Variants in IDE observed in about 807,000 individuals in gnomAD.
The protein encoded by IDE is insulin-degrading enzyme.
In IDE, 58 loss-of-function variants were observed where a neutral mutation model predicts 133.2. The observed-to-expected ratio is 0.44, with a 90% CI of 0.35 to 0.54. IDE has a LOEUF of 0.54. IDE is among the 20% of genes least tolerant of loss of function. The pLI is 0.00. For synonymous variants in IDE, 396 were observed against 421.3 expected, an observed-to-expected ratio of 0.94 and a Z score of 0.73; for missense variants, 981 against 1,234.0, an observed-to-expected ratio of 0.79 and a Z score of 3.07.
rs769676580 is a variant in IDE at position 92,515,008 on chromosome 10, T to A, written c.696A>T (p.Gln232His). The change falls in exon 5 of 25, where the codon CAA becomes CAT. Residue 232 changes from glutamine (Q) to histidine (H), a missense_variant. By Grantham distance (24) the Gln-to-His change is conservative. Coordinates refer to ENST00000265986, the MANE Select transcript of IDE (RefSeq NM_004969.4). ...NKYTLETRPNQEGIDVRQELL... is the reference protein window; with the variant it reads ...NKYTLETRPNHEGIDVRQELL... ...GCTCTTGTCTTACATCAATGCCTTC[T>A]TGGTTTGGTCTAGTCTCCAGAGTAT... 2 of 1,611,830 alleles carry A rather than the reference T, an allele frequency of 1.2e-6. No homozygotes were observed. The highest frequency in any genetic ancestry group is 2.2e-5 in the South Asian group (2 of 90,910).
chr10:92,463,940 TG>T lies in IDE; in HGVS notation c.2551del (p.Gln851SerfsTer9), dbSNP rs761559283. On this transcript the variant is annotated frameshift_variant, in exon 21 of 25. Coordinates refer to ENST00000265986, the MANE Select transcript of IDE (RefSeq NM_004969.4). LOFTEE classifies it high-confidence loss of function. ...NGIQGLRFII[Q>X]SEKPPHYLES... Reference sequence around the variant, plus strand: ...TAGGTAGTGAGGTGGCTTTTCTGACTGGATGATGAATCTCAAGCCCTGTATG... The same window carrying T: ...TAGGTAGTGAGGTGGCTTTTCTGACTGATGATGAATCTCAAGCCCTGTATG... 2 of 1,614,202 alleles carry T rather than the reference TG, an allele frequency of 1.2e-6. No individual in the cohort carries two copies.
chr10:92,562,649 A>G (rs1379914290), intron 1 of IDE, among the ~76,000 whole-genome samples: 4 of 152,144 alleles, frequency 2.6e-5, no homozygotes, highest in African/African-American at 9.7e-5. Flanking sequence ...TTTACCCTGG[A>G]CCAAATGTTA....
intron 13 of IDE, among the ~76,000 whole-genome samples, chr10:92,486,953 C>A (rs939290447): frequency 1.3e-5 from 2 of 152,158 alleles, no homozygotes; most frequent in African/African-American, 4.8e-5. Flanking sequence ...CTCAGACTTA[C>A]TTTTTTCTCC....
chr10:92,521,861 T>C (rs1849242923), intron 4 of IDE, among the ~76,000 whole-genome samples: 1 of 152,270 alleles, frequency 6.6e-6, no homozygotes, highest in African/African-American at 2.4e-5. Context: ...GGTATTTTTA[T>C]GTTTTTAAAA....
intron 1 of IDE, among the ~76,000 whole-genome samples, chr10:92,571,632 C>T (rs776553645): frequency 6.6e-6 from 1 of 152,146 alleles, no homozygotes; most frequent in Non-Finnish European, 1.5e-5. Context: ...TACAGCTGAA[C>T]ACAGAACAAG....
chr10:92,470,230 A>T lies in IDE; in HGVS notation c.2208+24T>A, dbSNP rs201500223. On this transcript the variant is annotated intron_variant, in intron 18 of 24. Transcript: ENST00000265986. ...AATATCTTGCAATGATCCACAAAAG[A>T]TTGCTAAAACCTCAACCACCCACCT... 8.0e-6 allele frequency: 12 copies of T among 1,494,186 alleles called. No individual in the cohort carries two copies. In the Admixed American group the frequency reaches 2.3e-4, roughly 28 times the overall value. 92.6% of individuals were successfully genotyped at this position (1,494,186 alleles called of 1,614,324 possible). A position where few individuals can be genotyped will look rare whatever the true frequency, so the allele number is the denominator to read the frequency against.
At position 92,531,884 on chromosome 10, in the gene IDE, A is replaced by G. The variant is rs777743787; in HGVS notation, c.525T>C (p.Asp175=). 1 of 1,567,794 alleles carries G rather than the reference A, an allele frequency of 6.4e-7. No individual in the cohort carries two copies. Among genetic ancestry groups the G allele is most frequent in the Non-Finnish European group, 8.7e-7 (1 of 1,152,550 alleles). ...FAQFFLCPLF[D]ESCKDREVNA... ...TCACCTCTCTGTCTTTGCAACTTTC[A>G]TCGAACAAGGGGCACAGAAAAAACT... The change falls in exon 4 of 25, where the codon GAT becomes GAC. Residue 175 remains aspartate (D), a synonymous_variant. Transcript: ENST00000265986.
At chr10:92,488,754 G>T (rs1023234736) in intron 12 of IDE, among the ~76,000 whole-genome samples, 6 of 150,454 alleles carry the variant, frequency 4.0e-5, no homozygotes, top group East Asian at 1.9e-4. Context: ...TCCAGCCCAG[G>T]CAACAGTACG....
In IDE at chr10:92,524,435, ATATAATATATT is replaced by A. The variant is rs1273536143; in HGVS notation, c.661+7302_661+7312del. On this transcript the variant is annotated intron_variant, in intron 4 of 24. Coordinates refer to ENST00000265986, the MANE Select transcript of IDE (RefSeq NM_004969.4). ...TATTATATTATATATAATATATTTT[ATATAATATATT>A]TTATATATTATATATTTTATATAAT... 5.1e-3 allele frequency among the ~76,000 whole-genome samples: 329 copies of A among 64,404 alleles called. 36 individuals carry two copies. The highest frequency in any genetic ancestry group is 0.021 in the African/African-American group (313 of 15,090). 42.3% of individuals were successfully genotyped at this position (64,404 alleles called of 152,430 possible). A position where few individuals can be genotyped will look rare whatever the true frequency, so the allele number is the denominator to read the frequency against.
At chr10:92,524,449 A>ATAT (rs1849467717) in intron 4 of IDE, among the ~76,000 whole-genome samples, 5 of 27,500 alleles carry the variant, frequency 1.8e-4, no homozygotes, top group Non-Finnish European at 3.2e-4. Context: ...AATATATTTT[A>ATAT]TATATTATAT....
At chr10:92,483,564 T>TCTCCCC (rs1846750106) in intron 13 of IDE, among the ~76,000 whole-genome samples, 3 of 152,106 alleles carry the variant, frequency 2.0e-5, no homozygotes, top group African/African-American at 7.2e-5. Context: ...ATTTCCCCTG[T>TCTCCCC]ATTAGGGAGA....
intron 1 of IDE, among the ~76,000 whole-genome samples, chr10:92,566,708 T>C (rs776200151): frequency 6.0e-5 from 9 of 150,894 alleles, no homozygotes; most frequent in Non-Finnish European, 1.2e-4. Flanking sequence ...AGGGTGACTA[T>C]AATCAATAAT....
Position 92,533,715 on chromosome 10 carries a change from C to CAA in IDE, c.491+861_491+862dup, listed in dbSNP as rs35455474. Among the ~76,000 whole-genome samples the CAA allele has an allele frequency of 2.0e-3, 238 of 119,328 alleles. 3 individuals are homozygous for CAA. Among genetic ancestry groups the CAA allele is most frequent in the Non-Finnish European group, 3.1e-3 (174 of 56,220 alleles). The allele number at this position is 119,328 out of a possible 152,430, so 78.3% of individuals were successfully genotyped here. ...ATTGTTAGCTGTATAAAAAATTGACCAAAAAAAAAAAAAAAAAGCTGACCA... is the reference window on the plus strand; with the variant it reads ...ATTGTTAGCTGTATAAAAAATTGACCAAAAAAAAAAAAAAAAAAAGCTGACCA... On this transcript the variant is annotated intron_variant, in intron 3 of 24. Transcript: ENST00000265986.
At chr10:92,568,237 T>C (rs1336879526) in intron 1 of IDE, among the ~76,000 whole-genome samples, 1 of 145,848 alleles carries the variant, frequency 6.9e-6, no homozygotes, top group African/African-American at 2.4e-5. Flanking sequence ...AGAAATACAT[T>C]TGGGAGTTGT....
chr10:92,495,246 C>T (rs1847615703), intron 11 of IDE, among the ~76,000 whole-genome samples: 1 of 123,956 alleles, frequency 8.1e-6, no homozygotes, highest in Admixed American at 9.3e-5. Context: ...TTTAAGATGG[C>T]GTCTCACTCT....
chr10:92,507,933 G>C (rs1253515145), intron 8 of IDE, among the ~76,000 whole-genome samples, 180 bp downstream of exon 8: 1 of 152,172 alleles, frequency 6.6e-6, no homozygotes, highest in Non-Finnish European at 1.5e-5. Context: ...CAGTTGTTAA[G>C]GGGGGAAGAA....
chr10:92,477,230 G>A (rs953980056), intron 15 of IDE, among the ~76,000 whole-genome samples: 17 of 152,012 alleles, frequency 1.1e-4, no homozygotes, highest in African/African-American at 4.1e-4. Flanking sequence ...TCGGCTGACT[G>A]CAACTTCTGC....
intron 3 of IDE, among the ~76,000 whole-genome samples, chr10:92,533,555 CACAGAAA>C (rs1850061703): frequency 6.6e-6 from 1 of 152,026 alleles, no homozygotes; most frequent in Non-Finnish European, 1.5e-5. Context: ...ACCTTGGCAT[CACAGAAA>C]ACTATAAATA....
intron 1 of IDE, among the ~76,000 whole-genome samples, chr10:92,547,031 A>G (rs936480025): frequency 6.6e-6 from 1 of 152,318 alleles, no homozygotes; most frequent in African/African-American, 2.4e-5. Flanking sequence ...CAGATGCTTC[A>G]TGAACCCAGA....
Sources: gnomAD v4.1 joint callset for allele counts (sites outside exome capture counted in the v4.1 genomes callset) on GRCh38, gnomAD v4.1.1 for gene constraint, MANE v1.5 for transcripts, NCBI Gene and HGNC (gene_info 2026-07-23, HGNC 2026-07-21) for gene names.